Variants in CNDP1 observed in about 807,000 individuals in gnomAD.
CNDP1 encodes beta-Ala-His dipeptidase.
CNDP1 carries 44 observed loss-of-function variants against 58.1 expected under a neutral mutation model. The ratio of observed to expected loss-of-function variants is 0.76; its 90% CI spans 0.60 to 0.97. The LOEUF (loss-of-function observed/expected upper bound fraction) is 0.97. Among genes scored for constraint, CNDP1 ranks in the 50% least tolerant of loss-of-function variants. CNDP1 has a pLI of 0.00. For missense variants in CNDP1, 616 were observed against 655.1 expected (o/e 0.94, Z 0.65); for synonymous variants, 254 against 252.6 (o/e 1.01, Z -0.05).
chr18:74,539,828 A>C (rs1050314389), intron 1 of CNDP1, among the ~76,000 whole-genome samples: 1 of 152,220 alleles, frequency 6.6e-6, no homozygotes, highest in African/African-American at 2.4e-5. Context: ...CAGTTCCAAC[A>C]ATTACCAACA....
rs375698173 is a variant in CNDP1 at position 74,555,171 on chromosome 18, A to G, written c.25-1167A>G. Among the ~76,000 whole-genome samples the G allele has an allele frequency of 8.0e-4, 122 of 152,326 alleles. 1 individual carries two copies. In the South Asian group the frequency reaches 0.02, roughly 25 times the overall value. On this transcript the variant is annotated intron_variant, in intron 1 of 11. Coordinates refer to ENST00000358821, the MANE Select transcript of CNDP1 (RefSeq NM_032649.6). ...GTAAAACATCTCAAACATTTAAAACAATAAAAGATGGGATTCCAGAGACAA... is the reference window on the plus strand; with the variant it reads ...GTAAAACATCTCAAACATTTAAAACGATAAAAGATGGGATTCCAGAGACAA...
At chr18:74,555,863 G>A (rs1405563934) in intron 1 of CNDP1, among the ~76,000 whole-genome samples, 1 of 152,146 alleles carries the variant, frequency 6.6e-6, no homozygotes, top group Non-Finnish European at 1.5e-5. Flanking sequence ...TGTGATTTCA[G>A]GAGCCAGTGG....
Position 74,571,215 on chromosome 18 carries a change from A to G in CNDP1, c.786A>G (p.Ser262=), listed in dbSNP as rs772027007. 3.7e-6 allele frequency: 6 copies of G among 1,613,410 alleles called. No individual in the cohort carries two copies. The East Asian group carries it at 1.1e-4, about 30-fold the overall frequency. ...EVKCRDQDFH[S]GTFGGILHEP... ...AATGCAGAGACCAGGATTTTCACTC[A>G]GGAACCTTTGGTGGCATCCTTCATG... is the stretch of plus-strand genomic sequence containing the variant. The change falls in exon 7 of 12, where the codon TCA becomes TCG. Residue 262 remains serine, a synonymous_variant. Transcript: ENST00000358821.
At chr18:74,579,203 G>GCCTTCCCTTGCCTTCCCTTC (rs1981720316) in intron 9 of CNDP1, among the ~76,000 whole-genome samples, 4 of 125,518 alleles carry the variant, frequency 3.2e-5, no homozygotes, top group Non-Finnish European at 3.3e-5. Flanking sequence ...CCCTTCCCTT[G>GCCTTCCCTTGCCTTCCCTTC]CCTTCCCTTC....
chr18:74,534,648 G>A lies in CNDP1; in HGVS notation c.-20G>A, dbSNP rs1980439056. ...TTTGGAGGTTGGGAAAGTTGCTAGA[G>A]GCTTCAGAACTCCAGCCTAATGGAT... On this transcript the variant is annotated 5_prime_UTR_variant, in exon 1 of 12. Transcript: ENST00000358821. The A allele has an allele frequency of 1.2e-6, 2 of 1,614,022 alleles. No homozygotes were observed. Among genetic ancestry groups the A allele is most frequent in the African/African-American group, 2.7e-5 (2 of 74,926 alleles).
intron 3 of CNDP1, 146 bp downstream of exon 3, chr18:74,559,618 CT>C (rs1981135855): frequency 1.3e-6 from 1 of 760,932 alleles, no homozygotes; most frequent in Non-Finnish European, 2.0e-6. Context: ...AAACATTCCC[CT>C]GGTCTCAAAT....
chr18:74,569,757 T>G (rs966901961), intron 6 of CNDP1, among the ~76,000 whole-genome samples: 1 of 152,150 alleles, frequency 6.6e-6, no homozygotes, highest in African/African-American at 2.4e-5. Flanking sequence ...CATTCAGAAG[T>G]CAGAGCGCAG....
rs200053135 is a variant in CNDP1 at position 74,570,917 on chromosome 18, C to G, written c.757-269C>G. Among the ~76,000 whole-genome samples the G allele has an allele frequency of 1.1e-4, 16 of 152,250 alleles. No homozygotes were observed. In the East Asian group the frequency reaches 3.1e-3, roughly 29 times the overall value. On this transcript the variant is annotated intron_variant, in intron 6 of 11. Coordinates refer to ENST00000358821, the MANE Select transcript of CNDP1 (RefSeq NM_032649.6). ...CATCAATCATTTGGCCAAGGAGAGCCTGGTGATCTTGGCTAGAATAGAGTT... is the reference window on the plus strand; with the variant it reads ...CATCAATCATTTGGCCAAGGAGAGCGTGGTGATCTTGGCTAGAATAGAGTT...
Position 74,584,938 on chromosome 18 carries a change from A to G in CNDP1, c.*376A>G, listed in dbSNP as rs1384053667. ...AGGTCCTCAAGTGCTCGTGACACAT[A>G]ATCATTCCATCCAATGATCGCCTTT... On this transcript the variant is annotated 3_prime_UTR_variant, in exon 12 of 12. Coordinates refer to ENST00000358821, the MANE Select transcript of CNDP1 (RefSeq NM_032649.6). 1 of 181,176 alleles carries G rather than the reference A, an allele frequency of 5.5e-6. No homozygotes were observed. Among genetic ancestry groups the G allele is most frequent in the African/African-American group, 2.3e-5 (1 of 42,766 alleles). The allele number at this position is 181,176 out of a possible 1,614,324, so 11.2% of individuals were successfully genotyped here.
In CNDP1 at chr18:74,534,624, T is replaced by C; in HGVS notation, c.-44T>C. The C allele has an allele frequency of 6.2e-7, 1 of 1,612,586 alleles. No homozygotes were observed. Among genetic ancestry groups the C allele is most frequent in the Non-Finnish European group, 8.5e-7 (1 of 1,178,654 alleles). ...CATGGGACTCCCTCTGCCACATTTT[T>C]TGGAGGTTGGGAAAGTTGCTAGAGG... On this transcript the variant is annotated 5_prime_UTR_variant, in exon 1 of 12. Transcript: ENST00000358821.
At chr18:74,546,766 G>C (rs1477253072) in intron 1 of CNDP1, among the ~76,000 whole-genome samples, 1 of 152,188 alleles carries the variant, frequency 6.6e-6, no homozygotes, top group South Asian at 2.1e-4. Context: ...TCTGCTCAGC[G>C]TTCAAGGAGC....
chr18:74,570,165 C>G (rs1410453076), intron 6 of CNDP1, among the ~76,000 whole-genome samples: 2 of 149,738 alleles, frequency 1.3e-5, no homozygotes, highest in African/African-American at 4.9e-5. Context: ...TGTCACTGCA[C>G]TCCTGCCTGG....
intron 7 of CNDP1, among the ~76,000 whole-genome samples, chr18:74,573,334 T>C (rs760635025): frequency 2.0e-5 from 3 of 152,022 alleles, no homozygotes; most frequent in Admixed American, 6.6e-5. Flanking sequence ...TGTATCATTT[T>C]TCTATCCATC....
intron 1 of CNDP1, among the ~76,000 whole-genome samples, chr18:74,551,361 A>AAC (rs74178982): frequency 0.17 from 25,078 of 147,874 alleles, 2,308 homozygotes; most frequent in East Asian, 0.43. Flanking sequence ...GCACAACTGT[A>AAC]ACACACACAC....
At chr18:74,573,357 A>G (rs533949369) in intron 7 of CNDP1, among the ~76,000 whole-genome samples, 2 of 148,608 alleles carry the variant, frequency 1.3e-5, no homozygotes, top group South Asian at 2.1e-4. Context: ...TCCATTCATT[A>G]TCTATCCATC....
intron 3 of CNDP1, among the ~76,000 whole-genome samples, chr18:74,560,642 C>T (rs912994159): frequency 2.6e-5 from 4 of 151,932 alleles, no homozygotes; most frequent in Non-Finnish European, 4.4e-5. Flanking sequence ...TGGGAGTGTG[C>T]CACTGCGCTC....
chr18:74,564,588 G>A (rs1047656083), intron 5 of CNDP1, among the ~76,000 whole-genome samples: 9 of 152,202 alleles, frequency 5.9e-5, no homozygotes, highest in East Asian at 5.8e-4. Context: ...ACAGAAAAGC[G>A]ATTTGTAATT....
At chr18:74,564,996 CT>C in intron 5 of CNDP1, among the ~76,000 whole-genome samples, 1 of 152,334 alleles carries the variant, frequency 6.6e-6, no homozygotes, top group East Asian at 1.9e-4. Context: ...TTTAATTGGA[CT>C]TACAGTTCCA....
chr18:74,558,549 C>T (rs1981103070), intron 2 of CNDP1, among the ~76,000 whole-genome samples: 1 of 151,968 alleles, frequency 6.6e-6, no homozygotes, highest in Non-Finnish European at 1.5e-5. Context: ...CGCCCACCAC[C>T]ACACCTGGCT....
Sources: gnomAD v4.1 joint callset for allele counts (sites outside exome capture counted in the v4.1 genomes callset) on GRCh38, gnomAD v4.1.1 for gene constraint, MANE v1.5 for transcripts, NCBI Gene and HGNC (gene_info 2026-07-23, HGNC 2026-07-21) for gene names.